Variants in ZNF385D observed in about 807,000 individuals in gnomAD.
ZNF385D encodes zinc finger protein 659.
ZNF385D carries 15 observed loss-of-function variants against 35.8 expected under a neutral mutation model. The ratio of observed to expected loss-of-function variants is 0.42; its 90% CI spans 0.28 to 0.64. The LOEUF is 0.64. Ranked by LOEUF, ZNF385D falls within the 30% of genes least tolerant of loss-of-function variation. The probability of loss-of-function intolerance (pLI) is 0.23; values close to 1 mark genes in which losing one functional copy is unlikely to be tolerated. For synonymous variants in ZNF385D, 212 were observed against 186.8 expected, an observed-to-expected ratio of 1.13 and a Z score of -1.10; for missense variants, 474 against 494.6, an observed-to-expected ratio of 0.96 and a Z score of 0.39.
At chr3:22,275,021 G>A (rs1045436293) in intron 2 of ZNF385D, among the ~76,000 whole-genome samples, 2 of 151,870 alleles carry the variant, frequency 1.3e-5, no homozygotes, top group Non-Finnish European at 2.9e-5. Context: ...CAAACCCTGT[G>A]GATAGCTGCT....
intron 2 of ZNF385D, among the ~76,000 whole-genome samples, chr3:22,356,303 T>C (rs1415905306): frequency 6.6e-6 from 1 of 151,980 alleles, no homozygotes; most frequent in East Asian, 1.9e-4. Context: ...TATATTTCAA[T>C]GGGTATGGTA....
chr3:22,024,152 A>G (rs1013732483), intron 3 of ZNF385D, among the ~76,000 whole-genome samples: 1 of 152,126 alleles, frequency 6.6e-6, no homozygotes, highest in African/African-American at 2.4e-5. Context: ...CTCCCAGTCT[A>G]TATCTTTCTC....
chr3:22,041,463 A>G (rs1698658020), intron 3 of ZNF385D, among the ~76,000 whole-genome samples: 1 of 152,192 alleles, frequency 6.6e-6, no homozygotes, highest in Admixed American at 6.6e-5. Flanking sequence ...CAAAACCACA[A>G]TTAAAATGCT....
intron 2 of ZNF385D, among the ~76,000 whole-genome samples, chr3:22,263,448 A>T (rs1433489312): frequency 6.6e-6 from 1 of 151,880 alleles, no homozygotes; most frequent in African/African-American, 2.4e-5. Flanking sequence ...ACTTTCTTTG[A>T]CTATTCCACC....
chr3:22,252,210 G>C (rs1337103119), intron 2 of ZNF385D, among the ~76,000 whole-genome samples: 10 of 151,988 alleles, frequency 6.6e-5, no homozygotes, highest in African/African-American at 9.7e-5. Context: ...TTATACAATT[G>C]CATGCTTAGC....
At chr3:22,081,658 GT>G (rs1193190770) in intron 3 of ZNF385D, among the ~76,000 whole-genome samples, 1 of 152,022 alleles carries the variant, frequency 6.6e-6, no homozygotes, top group Non-Finnish European at 1.5e-5. Flanking sequence ...CATCTACCCT[GT>G]TTTTTACAAG....
chr3:21,866,349 G>C (rs541469952), intron 3 of ZNF385D, among the ~76,000 whole-genome samples: 19 of 152,218 alleles, frequency 1.2e-4, no homozygotes, highest in Non-Finnish European at 2.2e-4. Context: ...AGCTACTTGG[G>C]AGGCTGAGGA....
chr3:21,450,954 A>C (rs1702420066), intron 4 of ZNF385D, among the ~76,000 whole-genome samples: 1 of 152,196 alleles, frequency 6.6e-6, no homozygotes, highest in Non-Finnish European at 1.5e-5. Flanking sequence ...TAATTAACTT[A>C]AGTTGAATAG....
At chr3:22,187,207 C>T (rs957180595) in intron 2 of ZNF385D, among the ~76,000 whole-genome samples, 1 of 152,176 alleles carries the variant, frequency 6.6e-6, no homozygotes, top group Admixed American at 6.6e-5. Flanking sequence ...CTTTTTCTAG[C>T]ATCAGCTTTT....
At chr3:22,135,462 T>C (rs1012103709) in intron 3 of ZNF385D, among the ~76,000 whole-genome samples, 1 of 152,182 alleles carries the variant, frequency 6.6e-6, no homozygotes, top group African/African-American at 2.4e-5. Flanking sequence ...CTCCAGGCAC[T>C]GTATGTTACA....
intron 2 of ZNF385D, among the ~76,000 whole-genome samples, chr3:22,193,544 CTT>C (rs1394218089): frequency 6.6e-6 from 1 of 151,908 alleles, no homozygotes; most frequent in African/African-American, 2.4e-5. Context: ...CCTGTAGAAT[CTT>C]TACTGTTTTG....
rs183106583 is a variant in ZNF385D at position 21,904,591 on chromosome 3, C to T, written c.326-239563G>A. Among the ~76,000 whole-genome samples, 200 of 152,158 alleles carry T rather than the reference C, an allele frequency of 1.3e-3. 5 individuals are homozygous for T. The South Asian group carries it at 0.024, about 18-fold the overall frequency. ...TTTCTGTTTCTGTAAAATGAAGGGC[C>T]TAGCCTAGATAAAGCTTTATGATAT... On this transcript the variant is annotated intron_variant, in intron 3 of 5. Transcript: ENST00000494108.
intron 3 of ZNF385D, among the ~76,000 whole-genome samples, chr3:22,014,154 AC>A (rs1696740132): frequency 6.6e-6 from 1 of 152,178 alleles, no homozygotes; most frequent in Non-Finnish European, 1.5e-5. Context: ...AATATTTACA[AC>A]AAAAAACCAA....
chr3:22,076,690 C>T (rs1362494704), intron 3 of ZNF385D, among the ~76,000 whole-genome samples: 1 of 151,920 alleles, frequency 6.6e-6, no homozygotes, highest in Non-Finnish European at 1.5e-5. Context: ...AGTAAGTGAT[C>T]AATACTTGTT....
intron 3 of ZNF385D, among the ~76,000 whole-genome samples, chr3:21,913,514 C>T (rs559997666): frequency 2.0e-5 from 3 of 152,190 alleles, no homozygotes; most frequent in African/African-American, 7.2e-5. Context: ...ACAGTGTTGG[C>T]ATTTAATATT....
chr3:22,111,629 C>T (rs1702542004), intron 3 of ZNF385D, among the ~76,000 whole-genome samples: 1 of 152,110 alleles, frequency 6.6e-6, no homozygotes, highest in South Asian at 2.1e-4. Context: ...CTTTCACTGA[C>T]TTAGTGAATT....
chr3:21,883,729 C>G (rs147690262), intron 3 of ZNF385D, among the ~76,000 whole-genome samples: 323 of 152,156 alleles, frequency 2.1e-3, no homozygotes, highest in Non-Finnish European at 3.5e-3. Flanking sequence ...ATTTTTGTTA[C>G]ATTCCATCAG....
chr3:21,996,054 G>T (rs1055357867), intron 3 of ZNF385D, among the ~76,000 whole-genome samples: 2 of 152,122 alleles, frequency 1.3e-5, no homozygotes, highest in Admixed American at 1.3e-4. Context: ...ATGTGCAGGT[G>T]CAGGGGCTAT....
intron 3 of ZNF385D, among the ~76,000 whole-genome samples, chr3:22,084,454 A>G (rs1453164462): frequency 6.6e-6 from 1 of 152,138 alleles, no homozygotes; most frequent in East Asian, 1.9e-4. Context: ...CAGACTTTAA[A>G]CCAACAAAGA....
Sources: gnomAD v4.1 joint callset for allele counts (sites outside exome capture counted in the v4.1 genomes callset) on GRCh38, gnomAD v4.1.1 for gene constraint, MANE v1.5 for transcripts, NCBI Gene and HGNC (gene_info 2026-07-23, HGNC 2026-07-21) for gene names.